Variants in PLCH2 observed in about 807,000 individuals in gnomAD.
PLCH2 encodes the protein 1-phosphatidylinositol 4,5-bisphosphate phosphodiesterase eta-2.
Under a neutral mutation model 134.7 loss-of-function variants are expected in PLCH2, and 98 were observed. That is an observed-to-expected ratio of 0.73 (90% CI 0.62 to 0.86). PLCH2 has a LOEUF of 0.86. PLCH2 is among the 40% of genes least tolerant of loss of function. PLCH2 has a pLI of 0.00. For synonymous variants in PLCH2, 974 were observed against 827.5 expected, an observed-to-expected ratio of 1.18 and a Z score of -3.04; for missense variants, 1,994 against 1,986.6, an observed-to-expected ratio of 1.00 and a Z score of -0.07.
At chr1:2,456,238 T>C (rs1640485348) in intron 2 of PLCH2, among the ~76,000 whole-genome samples, 1 of 152,092 alleles carries the variant, frequency 6.6e-6, no homozygotes, top group African/African-American at 2.4e-5. Flanking sequence ...TCCCGGGCCT[T>C]TGTCGGATTT....
At chr1:2,459,054 C>T (rs571403278) in intron 2 of PLCH2, among the ~76,000 whole-genome samples, 7 of 152,252 alleles carry the variant, frequency 4.6e-5, no homozygotes, top group South Asian at 4.1e-4. Flanking sequence ...GACTCAGCCC[C>T]GAATCCTGCT....
chr1:2,434,671 C>T (rs1407151545), intron 2 of PLCH2, among the ~76,000 whole-genome samples: 1 of 152,216 alleles, frequency 6.6e-6, no homozygotes, highest in East Asian at 1.9e-4. Flanking sequence ...CCCCTTCCCC[C>T]CACAGCCAGC....
chr1:2,453,335 CCT>C (rs1219238264), intron 2 of PLCH2, among the ~76,000 whole-genome samples: 3 of 152,334 alleles, frequency 2.0e-5, no homozygotes, highest in Non-Finnish European at 2.9e-5. Flanking sequence ...TCCAGTCCGC[CCT>C]GTTATCGCCC....
chr1:2,484,417 G>A, intron 4 of PLCH2, 31 bp from the exon 5 acceptor site: 1 of 1,610,772 alleles, frequency 6.2e-7, no homozygotes, highest in East Asian at 2.2e-5. Flanking sequence ...TGGTCGAGGT[G>A]CCAATGGGGA....
chr1:2,498,846 C>G lies in PLCH2; in HGVS notation c.2434+18C>G. 6.3e-7 allele frequency: 1 copy of G among 1,583,234 alleles called. No individual in the cohort carries two copies. Among genetic ancestry groups the G allele is most frequent in the Admixed American group, 1.7e-5 (1 of 58,896 alleles). Reference sequence around the variant, plus strand: ...CGACAACGGTGAGGCTGGGCCGTGGCTCCGTCACACCTGTGATGGAAGTCT... The same window carrying G: ...CGACAACGGTGAGGCTGGGCCGTGGGTCCGTCACACCTGTGATGGAAGTCT... On this transcript the variant is annotated intron_variant, in intron 18 of 21. Coordinates refer to ENST00000378486, the MANE Select transcript of PLCH2 (RefSeq NM_014638.4). The surrounding 1 kb of genome is among the most constrained non-coding windows in gnomAD (Gnocchi z 5.4).
intron 1 of PLCH2, among the ~76,000 whole-genome samples, chr1:2,468,679 C>T (rs968296527): frequency 3.9e-5 from 6 of 152,238 alleles, no homozygotes; most frequent in African/African-American, 1.2e-4. Flanking sequence ...AGCTTGCCTC[C>T]TGGTGGTTTG....
chr1:2,474,773 C>T (rs1641525257), upstream of PLCH2, among the ~76,000 whole-genome samples: 1 of 152,230 alleles, frequency 6.6e-6, no homozygotes, highest in South Asian at 2.1e-4. Context: ...AGAACTGGAC[C>T]CCCTGGGTCA....
In PLCH2 at chr1:2,486,929, G is replaced by A. The variant is rs917122999; in HGVS notation, c.839G>A (p.Ser280Asn). 6.2e-7 allele frequency: 1 copy of A among 1,607,812 alleles called. No individual in the cohort carries two copies. The highest frequency in any genetic ancestry group is 1.1e-5 in the South Asian group (1 of 89,552). Residue 280 changes from serine (S) to asparagine (N), a missense_variant, in exon 6 of 22, where the codon AGC (serine) becomes AAC (asparagine). By Grantham distance (46) the Ser-to-Asn change is conservative. This residue lies in a region of PLCH2 where 1,094 missense variants were observed against 1,234.3 expected (regional missense o/e 0.89). Transcript: ENST00000378486. ...TAGATGGCGGGTGTGACCCTCGAGA[G>A]CTGCCAGGACATCATCGAGCAGTTT... Reference protein sequence around the residue: ...EQKMAGVTLESCQDIIEQFEP... With the variant: ...EQKMAGVTLENCQDIIEQFEP...
rs1640055171 is a variant in PLCH2 at position 2,448,667 on chromosome 1, C to CCT, written c.115+18039_115+18040dup. On this transcript the variant is annotated intron_variant, in intron 2 of 3. Coordinates refer to the PLCH2 transcript ENST00000609981. The surrounding 1 kb of genome is among the most constrained non-coding windows in gnomAD (Gnocchi z 4.0). ...CCCAGCACCCCCGCCCGAGGCAGGC[C>CCT]CTGGAGCTCACGCTGCTGAGGTCCC... Among the ~76,000 whole-genome samples, 1 of 152,114 alleles carries CCT rather than the reference C, an allele frequency of 6.6e-6. No homozygotes were observed. Among genetic ancestry groups the CCT allele is most frequent in the Non-Finnish European group, 1.5e-5 (1 of 68,010 alleles).
chr1:2,427,082 G>A (rs55852252), intron 1 of PLCH2, among the ~76,000 whole-genome samples: 163 of 152,348 alleles, frequency 1.1e-3, no homozygotes, highest in Admixed American at 4.8e-3. Flanking sequence ...CGTCTTGGCC[G>A]GGGGTCTCCA....
chr1:2,434,157 T>C (rs1363715061), intron 2 of PLCH2, among the ~76,000 whole-genome samples: 1 of 152,242 alleles, frequency 6.6e-6, no homozygotes, highest in African/African-American at 2.4e-5. Flanking sequence ...GGCTCCCACC[T>C]TCAGCTTCTT....
chr1:2,463,928 T>G (rs1199189189), upstream of PLCH2, among the ~76,000 whole-genome samples: 2 of 152,174 alleles, frequency 1.3e-5, no homozygotes, highest in African/African-American at 2.4e-5. Flanking sequence ...AGAGTCAGGG[T>G]GTGAACTGGG....
intron 2 of PLCH2, among the ~76,000 whole-genome samples, chr1:2,438,256 C>T (rs1274246500): frequency 6.6e-6 from 1 of 152,234 alleles, no homozygotes; most frequent in East Asian, 1.9e-4. Context: ...GTGCAGGCGA[C>T]AGTTGGTTTA....
intron 2 of PLCH2, among the ~76,000 whole-genome samples, chr1:2,445,242 G>A (rs892837894): frequency 2.0e-5 from 3 of 152,120 alleles, no homozygotes; most frequent in Admixed American, 2.0e-4. Context: ...GTCCCCACAG[G>A]CCCCTTCCCT....
chr1:2,502,464 G>C (rs555401659), intron 21 of PLCH2, 55 bp downstream of exon 21: 2 of 1,497,370 alleles, frequency 1.3e-6, no homozygotes, highest in Non-Finnish European at 1.8e-6. Flanking sequence ...CGGCCCCCGC[G>C]TGTCCTGGAC....
chr1:2,482,263 G>T (rs1201548179), intron 4 of PLCH2, among the ~76,000 whole-genome samples: 2 of 152,226 alleles, frequency 1.3e-5, no homozygotes, highest in African/African-American at 4.8e-5. Context: ...CTGTGGAGGG[G>T]GCCGCATCTC....
At chr1:2,453,967 G>A (rs1023388033) in intron 2 of PLCH2, among the ~76,000 whole-genome samples, 5 of 143,388 alleles carry the variant, frequency 3.5e-5, no homozygotes, top group Non-Finnish European at 4.5e-5. Flanking sequence ...AGAGCCGAGT[G>A]TGTGGGGGCC....
rs1430029146 is a variant in PLCH2, at chr1:2,495,563, A to G, written c.1828A>G (p.Ser610Gly). Residue 610 changes from serine to glycine, a missense_variant, in exon 13 of 22, where the codon AGC (serine) becomes GGC (glycine). By Grantham distance (56) the Ser-to-Gly change is moderately conservative. Transcript: ENST00000378486. ...DEGQDSPGGQSRGATRQKKTM... is the reference protein window; with the variant it reads ...DEGQDSPGGQGRGATRQKKTM... ...GGGTCAGGACTCCCCGGGAGGCCAG[A>G]GCCGAGGGTAGGTGCCCTGCCCCAC... The G allele has an allele frequency of 1.9e-6, 3 of 1,547,216 alleles. No homozygotes were observed. The East Asian group carries it at 7.3e-5, about 38-fold the overall frequency.
chr1:2,502,795 C>T (rs1379432976), intron 21 of PLCH2: 1 of 716,878 alleles, frequency 1.4e-6, no homozygotes, highest in South Asian at 1.5e-5. Flanking sequence ...CCGAAAGGTC[C>T]CCCCGCTGGC....
Sources: gnomAD v4.1 joint callset for allele counts (sites outside exome capture counted in the v4.1 genomes callset) on GRCh38, gnomAD v4.1.1 for gene constraint, gnomAD v4.1.1 regional missense constraint, Gnocchi (gnomAD v3.1) non-coding constraint, MANE v1.5 for transcripts, NCBI Gene and HGNC (gene_info 2026-07-23, HGNC 2026-07-21) for gene names.